Variants in IL1RAPL2 observed in about 807,000 individuals in gnomAD.
IL1RAPL2 encodes interleukin 1 receptor accessory protein like 2, also known as X-linked interleukin-1 receptor accessory protein-like 2.
A neutral mutation model predicts 44.1 loss-of-function variants in IL1RAPL2; 3 were observed. The ratio of observed to expected loss-of-function variants is 0.07; its 90% CI spans 0.03 to 0.18. IL1RAPL2 has a LOEUF of 0.18. Among genes scored for constraint, IL1RAPL2 ranks in the 10% least tolerant of loss-of-function variants. The pLI is 1.00. For synonymous variants in IL1RAPL2, 181 were observed against 178.8 expected, an observed-to-expected ratio of 1.01 and a Z score of -0.10; for missense variants, 391 against 496.4, an observed-to-expected ratio of 0.79 and a Z score of 2.02.
chrX:105,272,319 A>G (rs1373109718), intron 5 of IL1RAPL2, among the ~76,000 whole-genome samples: 3 of 112,178 alleles, frequency 2.7e-5, no homozygotes, highest in Non-Finnish European at 5.6e-5. Flanking sequence ...CATTACTTAT[A>G]GGGATTCTTC....
chrX:105,090,534 T>C (rs898695788), intron 2 of IL1RAPL2, among the ~76,000 whole-genome samples: 6 of 112,055 alleles, frequency 5.4e-5, no homozygotes, highest in Non-Finnish European at 9.4e-5. Flanking sequence ...TAGCACATTG[T>C]GTGAGAAAAA....
At chrX:105,409,733 A>G (rs1033880096) in intron 5 of IL1RAPL2, among the ~76,000 whole-genome samples, 2 of 110,103 alleles carry the variant, frequency 1.8e-5, no homozygotes, top group African/African-American at 6.6e-5. Context: ...GTGAGACTGA[A>G]GCTTAGTGGG....
intron 5 of IL1RAPL2, among the ~76,000 whole-genome samples, chrX:105,337,760 G>A (rs1299974322): frequency 5.4e-5 from 6 of 110,735 alleles, no homozygotes; most frequent in African/African-American, 1.3e-4. Context: ...GTGTGGTGGC[G>A]GGCGCCTGTA....
intron 5 of IL1RAPL2, among the ~76,000 whole-genome samples, chrX:105,479,173 G>A (rs778645583): frequency 9.0e-5 from 10 of 111,460 alleles, no homozygotes; most frequent in Admixed American, 8.6e-4. Context: ...TGGGCCTGGT[G>A]AAATCAGACA....
chrX:105,456,503 T>C (rs1239629306), intron 5 of IL1RAPL2, among the ~76,000 whole-genome samples: 1 of 111,528 alleles, frequency 9.0e-6, no homozygotes, highest in Non-Finnish European at 1.9e-5. Context: ...CCTTAATACC[T>C]AGTTTATTGA....
chrX:104,843,645 G>A (rs1921967935), intron 2 of IL1RAPL2, among the ~76,000 whole-genome samples: 2 of 109,536 alleles, frequency 1.8e-5, no homozygotes, highest in South Asian at 4.0e-4. Context: ...CCTGGGGGAG[G>A]GAGGTACCCC....
rs1290372653 is a variant in IL1RAPL2, at chrX:105,050,973, C to A, written c.83-144502C>A. Among the ~76,000 whole-genome samples, 3 of 112,444 alleles carry A rather than the reference C, an allele frequency of 2.7e-5. No individual in the cohort carries two copies. In the East Asian group the frequency reaches 8.5e-4, roughly 32 times the overall value. On this transcript the variant is annotated intron_variant, in intron 2 of 10. Coordinates refer to ENST00000372582, the MANE Select transcript of IL1RAPL2 (RefSeq NM_017416.2). Reference sequence around the variant, plus strand: ...CCTCTGCCCTGCTCCAAGTTGGGTGCTTTTACGGACCTCGGAGGAGAGGAA... The same window carrying A: ...CCTCTGCCCTGCTCCAAGTTGGGTGATTTTACGGACCTCGGAGGAGAGGAA...
intron 2 of IL1RAPL2, among the ~76,000 whole-genome samples, chrX:105,120,802 A>C (rs1304108079): frequency 8.9e-6 from 1 of 112,125 alleles, no homozygotes; most frequent in Non-Finnish European, 1.9e-5. Context: ...AAAATCCTGG[A>C]GCTCTCCAAC....
At chrX:105,091,938 T>C (rs1209671662) in intron 2 of IL1RAPL2, among the ~76,000 whole-genome samples, 3 of 111,865 alleles carry the variant, frequency 2.7e-5, no homozygotes, top group African/African-American at 9.7e-5. Flanking sequence ...TGTGAGGAAT[T>C]GAGACAATGT....
chrX:105,654,195 A>G (rs781454864), intron 6 of IL1RAPL2, among the ~76,000 whole-genome samples: 12 of 100,392 alleles, frequency 1.2e-4, no homozygotes, highest in Non-Finnish European at 1.7e-4. Context: ...TAAACTCCAC[A>G]CTCCAGAAGA....
At chrX:105,644,202 A>T (rs1295623345) in intron 6 of IL1RAPL2, among the ~76,000 whole-genome samples, 1 of 111,397 alleles carries the variant, frequency 9.0e-6, no homozygotes, top group Non-Finnish European at 1.9e-5. Flanking sequence ...AGAGCACATG[A>T]TTTTAAAATG....
At chrX:105,651,978 C>T (rs1339624282) in intron 6 of IL1RAPL2, among the ~76,000 whole-genome samples, 1 of 112,056 alleles carries the variant, frequency 8.9e-6, no homozygotes, top group African/African-American at 3.2e-5. Context: ...ACTTGACCTT[C>T]ACCGAGTATA....
intron 3 of IL1RAPL2, among the ~76,000 whole-genome samples, chrX:105,228,299 A>T (rs2034036819): frequency 8.9e-6 from 1 of 112,193 alleles, no homozygotes; most frequent in African/African-American, 3.2e-5. Flanking sequence ...GAGGCATTTT[A>T]TCTAGGGCTT....
intron 10 of IL1RAPL2, among the ~76,000 whole-genome samples, chrX:105,755,699 C>A (rs914661973): frequency 9.0e-6 from 1 of 111,670 alleles, no homozygotes; most frequent in Non-Finnish European, 1.9e-5. Context: ...CACTGAGGGT[C>A]TACTTATACC....
chrX:104,841,376 A>T (rs376823121), intron 2 of IL1RAPL2, among the ~76,000 whole-genome samples: 4 of 111,775 alleles, frequency 3.6e-5, no homozygotes, highest in African/African-American at 1.3e-4. Flanking sequence ...TGGGGCTTTT[A>T]GCCCATTTAC....
At chrX:104,591,989 T>G (rs1928675448) in intron 1 of IL1RAPL2, among the ~76,000 whole-genome samples, 1 of 110,428 alleles carries the variant, frequency 9.1e-6, no homozygotes, top group Non-Finnish European at 1.9e-5. Context: ...TATTATGTCC[T>G]GGGTATAAAT....
At chrX:105,388,435 T>A (rs761228889) in intron 5 of IL1RAPL2, among the ~76,000 whole-genome samples, 3 of 103,141 alleles carry the variant, frequency 2.9e-5, no homozygotes, top group Non-Finnish European at 3.9e-5. Context: ...AATGAATTGT[T>A]GTGAGCACAA....
intron 2 of IL1RAPL2, among the ~76,000 whole-genome samples, chrX:105,132,488 A>G (rs1009187555): frequency 4.5e-5 from 5 of 110,736 alleles, no homozygotes; most frequent in Admixed American, 9.7e-5. Flanking sequence ...TTTTCAGGGG[A>G]AAAAAAACAC....
chrX:105,461,442 T>C (rs1307163187), intron 5 of IL1RAPL2, among the ~76,000 whole-genome samples: 1 of 111,373 alleles, frequency 9.0e-6, no homozygotes, highest in Non-Finnish European at 1.9e-5. Context: ...GTTTCTGTCT[T>C]ACTAAATGTT....
Sources: allele counts gnomAD v4.1 joint callset (sites outside exome capture counted in the v4.1 genomes callset), GRCh38; gene constraint gnomAD v4.1.1; transcripts MANE v1.5; gene names NCBI Gene and HGNC (gene_info 2026-07-23, HGNC 2026-07-21).